The following UTS2 variants were observed in gnomAD, a reference collection of about 807,000 sequenced individuals.
UTS2 encodes the protein urotensin 2.
A neutral mutation model predicts 12.6 loss-of-function variants in UTS2; 10 were observed. The observed-to-expected ratio is 0.80, with a 90% CI of 0.49 to 1.35. The LOEUF is 1.35. Among genes scored for constraint, UTS2 ranks in the 40% most tolerant of loss-of-function variants. The probability of loss-of-function intolerance (pLI) is 0.00; values close to 1 mark genes in which losing one functional copy is unlikely to be tolerated. For missense variants in UTS2, 142 were observed against 143.2 expected, an observed-to-expected ratio of 0.99 and a Z score of 0.04; for synonymous variants, 52 against 50.0, an observed-to-expected ratio of 1.04 and a Z score of -0.17.
chr1:7,884,974 A>G, the UTS2 span, among the ~76,000 whole-genome samples: 2 of 144,198 alleles, frequency 1.4e-5, no homozygotes, highest in African/African-American at 2.7e-5. Flanking sequence ...CCCATCATCC[A>G]CGCATTCATC....
intron 1 of UTS2, 103 bp downstream of exon 1, chr1:7,852,797 TC>T: frequency 7.5e-7 from 1 of 1,337,148 alleles, no homozygotes; most frequent in Non-Finnish European, 1.0e-6. Context: ...AGAACAAGAC[TC>T]CAGACTCCTT....
At chr1:7,851,089 C>T (rs1187757227) in intron 1 of UTS2, among the ~76,000 whole-genome samples, 167 bp from the exon 2 acceptor site, 1 of 152,186 alleles carries the variant, frequency 6.6e-6, no homozygotes, top group Non-Finnish European at 1.5e-5. Context: ...GGTGGAAATG[C>T]TACCAGCCCG....
At chr1:7,906,505 AAG>A in the UTS2 span, among the ~76,000 whole-genome samples, 2 of 149,812 alleles carry the variant, frequency 1.3e-5, no homozygotes, top group African/African-American at 4.9e-5. Flanking sequence ...GAAAGAAAGA[AAG>A]AAAAGAGGGA....
At chr1:7,856,452 C>T (rs979967796), upstream of UTS2, among the ~76,000 whole-genome samples, 39 of 152,204 alleles carry the variant, frequency 2.6e-4, 1 homozygote, top group Non-Finnish European at 7.3e-5. Context: ...CCGAAAGGAA[C>T]AGGGCAGCCA....
chr1:7,885,657 C>T, the UTS2 span, among the ~76,000 whole-genome samples: 2 of 151,308 alleles, frequency 1.3e-5, no homozygotes, highest in African/African-American at 2.4e-5. Context: ...GCAGGTGAGG[C>T]GGGGCGTGAC....
the UTS2 span, among the ~76,000 whole-genome samples, chr1:7,911,091 T>C: frequency 6.6e-6 from 1 of 151,914 alleles, no homozygotes; most frequent in Non-Finnish European, 1.5e-5. Context: ...ACTTTTGTAG[T>C]GAATAAGGAG....
the UTS2 span, among the ~76,000 whole-genome samples, chr1:7,888,184 C>T: frequency 6.6e-6 from 1 of 152,238 alleles, no homozygotes; most frequent in Non-Finnish European, 1.5e-5. Context: ...TTTTACCTCT[C>T]AGTTTATGGC....
At chr1:7,863,516 T>C in the UTS2 span, among the ~76,000 whole-genome samples, 4,120 of 152,296 alleles carry the variant, frequency 0.027, 160 homozygotes, top group East Asian at 0.13. Flanking sequence ...TACTTTTTAC[T>C]ATGTGTATCG....
the UTS2 span, among the ~76,000 whole-genome samples, chr1:7,897,591 A>AT: frequency 2.6e-5 from 4 of 151,220 alleles, no homozygotes; most frequent in Non-Finnish European, 4.4e-5. Context: ...ATGTTTCATA[A>AT]TTTTTTTTTG....
the UTS2 span, among the ~76,000 whole-genome samples, chr1:7,897,775 T>C: frequency 3.9e-5 from 6 of 152,046 alleles, no homozygotes; most frequent in African/African-American, 1.2e-4. Context: ...TTAGTAGAGA[T>C]GGGGTTTCAC....
chr1:7,905,147 C>CTT, the UTS2 span, among the ~76,000 whole-genome samples: 21 of 136,462 alleles, frequency 1.5e-4, no homozygotes, highest in African/African-American at 5.2e-4. Context: ...TTTCTTTTTT[C>CTT]TTTTTTTTTT....
At chr1:7,853,635 T>C, upstream of UTS2, 1 of 544,864 alleles carries the variant, frequency 1.8e-6, no homozygotes, top group South Asian at 2.5e-5. Flanking sequence ...CGCAAGCACT[T>C]CAATCTTCAG....
chr1:7,878,591 T>C, the UTS2 span, among the ~76,000 whole-genome samples: 1 of 152,046 alleles, frequency 6.6e-6, no homozygotes, highest in Non-Finnish European at 1.5e-5. Flanking sequence ...CTAAAATGTA[T>C]AGAGCCATGT....
chr1:7,862,770 C>A, the UTS2 span, among the ~76,000 whole-genome samples: 1 of 152,142 alleles, frequency 6.6e-6, no homozygotes, highest in Non-Finnish European at 1.5e-5. Context: ...CCCCGTGACC[C>A]AAACACCTCC....
At chr1:7,902,605 TTATAGGGACGGGGGTCTCGC>T in the UTS2 span, among the ~76,000 whole-genome samples, 2 of 152,156 alleles carry the variant, frequency 1.3e-5, no homozygotes, top group Non-Finnish European at 2.9e-5. Context: ...ATCTAATTTT[TTATAGGGACGGGGGTCTCGC>T]TATGTTGGCC....
upstream of UTS2, among the ~76,000 whole-genome samples, chr1:7,854,347 AAAAAAAAAAAGAGAAGGAG>A (rs1211193731): frequency 4.4e-5 from 6 of 137,108 alleles, no homozygotes; most frequent in East Asian, 1.2e-3. Context: ...CTGTCTAAAA[AAAAAAAAAAAGAGAAGGAG>A]AAACACTGTC....
chr1:7,877,124 A>T, the UTS2 span, among the ~76,000 whole-genome samples: 1 of 42,474 alleles, frequency 2.4e-5, no homozygotes, highest in South Asian at 1.2e-3. Flanking sequence ...GTGAGACTCT[A>T]TCAAAAAAAA....
At chr1:7,904,051 T>G in the UTS2 span, among the ~76,000 whole-genome samples, 3 of 152,158 alleles carry the variant, frequency 2.0e-5, no homozygotes, top group African/African-American at 7.2e-5. Flanking sequence ...TTTTAGAAAT[T>G]TAGATCTTAG....
chr1:7,859,670 G>A, the UTS2 span, among the ~76,000 whole-genome samples: 2 of 152,206 alleles, frequency 1.3e-5, no homozygotes, highest in African/African-American at 2.4e-5. Flanking sequence ...GCTATGTCAC[G>A]TGACCATATC....
Sources: gnomAD v4.1 joint callset for allele counts (sites outside exome capture counted in the v4.1 genomes callset) on GRCh38, gnomAD v4.1.1 for gene constraint, MANE v1.5 for transcripts, NCBI Gene and HGNC (gene_info 2026-07-23, HGNC 2026-07-21) for gene names.